The following DNAI7 variants were observed in gnomAD, a reference collection of about 807,000 sequenced individuals.
The protein encoded by DNAI7 is cancer susceptibility 1.
DNAI7 carries 78 observed loss-of-function variants against 86.6 expected under a neutral mutation model. The ratio of observed to expected loss-of-function variants is 0.90; its 90% CI spans 0.75 to 1.09. DNAI7 has a LOEUF of 1.09. DNAI7 is among the 50% of genes least tolerant of loss of function. The pLI, the probability that DNAI7 is intolerant of heterozygous loss-of-function variation, is 0.00. For synonymous variants in DNAI7, 274 were observed against 273.0 expected, an observed-to-expected ratio of 1.00 and a Z score of -0.04; for missense variants, 753 against 810.2, an observed-to-expected ratio of 0.93 and a Z score of 0.86.
rs1205025779 is a variant in DNAI7 at position 25,140,597 on chromosome 12, T to C, written c.1002+3768A>G. On this transcript the variant is annotated intron_variant, in intron 9 of 15. Coordinates refer to ENST00000395987, the MANE Select transcript of DNAI7 (RefSeq NM_018272.5). ...CAAATGGAAATACATCCCATGCTCA[T>C]GGATGGGTAGAATCATATTGTGAAA... Among the ~76,000 whole-genome samples, 3 of 152,140 alleles carry C rather than the reference T, an allele frequency of 2.0e-5. No homozygotes were observed. The East Asian group carries it at 5.8e-4, about 29-fold the overall frequency.
intron 9 of DNAI7, among the ~76,000 whole-genome samples, chr12:25,141,454 A>G (rs1370565788): frequency 6.6e-6 from 1 of 152,232 alleles, no homozygotes; most frequent in Non-Finnish European, 1.5e-5. Context: ...GCCAAGAAAC[A>G]TAAGAAAAAA....
chr12:25,112,078 A>G, intron 13 of DNAI7, 139 bp from the exon 14 acceptor site: 1 of 453,888 alleles, frequency 2.2e-6, no homozygotes, highest in South Asian at 4.5e-5. Flanking sequence ...CAGGGCAAGT[A>G]TATCTTAAGC....
intron 2 of DNAI7, among the ~76,000 whole-genome samples, chr12:25,175,090 T>C (rs1344626307): frequency 2.0e-5 from 3 of 151,872 alleles, no homozygotes; most frequent in African/African-American, 7.3e-5. Context: ...AAATACCACC[T>C]GTACCTCAAT....
chr12:25,186,180 T>C (rs1461789459), intron 2 of DNAI7, among the ~76,000 whole-genome samples: 1 of 152,074 alleles, frequency 6.6e-6, no homozygotes, highest in Non-Finnish European at 1.5e-5. Context: ...TAGTGATGGG[T>C]TTTTTAACAG....
chr12:25,117,563 T>C (rs1482964543), intron 12 of DNAI7, among the ~76,000 whole-genome samples: 2 of 152,110 alleles, frequency 1.3e-5, no homozygotes, highest in Non-Finnish European at 2.9e-5. Flanking sequence ...TGGCATACAT[T>C]AACTCACCAG....
At chr12:25,193,945 CT>C (rs1415568905) in intron 1 of DNAI7, among the ~76,000 whole-genome samples, 1 of 151,402 alleles carries the variant, frequency 6.6e-6, no homozygotes, top group Non-Finnish European at 1.5e-5. Context: ...CTTCAGCCCC[CT>C]GAGTAGCTGG....
At chr12:25,164,771 A>T (rs1947251197) in intron 2 of DNAI7, among the ~76,000 whole-genome samples, 1 of 151,434 alleles carries the variant, frequency 6.6e-6, no homozygotes, top group Non-Finnish European at 1.5e-5. Flanking sequence ...GAGTCTTCCT[A>T]ATCTTTCTTT....
At chr12:25,150,482 T>C (rs2140923237) in intron 6 of DNAI7, among the ~76,000 whole-genome samples, 1 of 151,166 alleles carries the variant, frequency 6.6e-6, no homozygotes, top group East Asian at 1.9e-4. Flanking sequence ...CGGGCGCCTG[T>C]AGGCCCAGCA....
intron 2 of DNAI7, among the ~76,000 whole-genome samples, chr12:25,185,333 C>T (rs1449481072): frequency 6.6e-6 from 1 of 152,052 alleles, no homozygotes; most frequent in Non-Finnish European, 1.5e-5. Context: ...GCAGAAATGG[C>T]AGTCCCAAAA....
At position 25,158,546 on chromosome 12, in the gene DNAI7, A is replaced by G. The variant is rs374597763; in HGVS notation, c.124T>C (p.Tyr42His). ...LKEEEEARLKYEKEEMERLEI... is the reference protein window; with the variant it reads ...LKEEEEARLKHEKEEMERLEI... ...AGCCTTTCCATTTCTTCTTTCTCATATTTCAAACGGGCTTCCTCTAAAGAA... is the reference window on the plus strand; with the variant it reads ...AGCCTTTCCATTTCTTCTTTCTCATGTTTCAAACGGGCTTCCTCTAAAGAA... The change falls in exon 4 of 16, where the codon TAT becomes CAT. Residue 42 changes from tyrosine to histidine, a missense_variant. Tyr to His is a moderately conservative substitution (Grantham distance 83). Transcript: ENST00000395987. The G allele has an allele frequency of 6.2e-6, 10 of 1,612,536 alleles. No homozygotes were observed. Among genetic ancestry groups the G allele is most frequent in the Non-Finnish European group, 8.5e-6 (10 of 1,179,558 alleles).
At chr12:25,117,354 T>G (rs1940325479) in intron 12 of DNAI7, among the ~76,000 whole-genome samples, 1 of 152,180 alleles carries the variant, frequency 6.6e-6, no homozygotes, top group African/African-American at 2.4e-5. Flanking sequence ...TACAAAATAT[T>G]TAAACTTCTT....
At chr12:25,165,537 C>T (rs1419567189) in intron 2 of DNAI7, among the ~76,000 whole-genome samples, 1 of 152,204 alleles carries the variant, frequency 6.6e-6, no homozygotes, top group Non-Finnish European at 1.5e-5. Flanking sequence ...ACTGACCTGG[C>T]AGCCACTTTC....
intron 2 of DNAI7, among the ~76,000 whole-genome samples, chr12:25,167,569 C>T (rs892641431): frequency 1.3e-5 from 2 of 152,140 alleles, no homozygotes; most frequent in African/African-American, 2.4e-5. Flanking sequence ...CCCTCCTTAG[C>T]GAACAACCGC....
chr12:25,185,816 C>T (rs923106733), intron 2 of DNAI7: 8 of 951,952 alleles, frequency 8.4e-6, no homozygotes, highest in African/African-American at 3.5e-5. Context: ...AAAGTACAGA[C>T]TATAGCAATA....
chr12:25,111,699 AATTAT>A, intron 14 of DNAI7, 68 bp downstream of exon 14: 1 of 858,958 alleles, frequency 1.2e-6, no homozygotes, highest in Non-Finnish European at 1.6e-6. Context: ...TATAATATTA[AATTAT>A]ATAACATTTA....
At chr12:25,150,112 A>G (rs1215999747) in intron 6 of DNAI7, among the ~76,000 whole-genome samples, 1 of 152,128 alleles carries the variant, frequency 6.6e-6, no homozygotes, top group Non-Finnish European at 1.5e-5. Context: ...GCAAATCACC[A>G]TTTTTCAATC....
At chr12:25,120,317 GGAGAGAGA>G (rs369253749) in intron 11 of DNAI7, among the ~76,000 whole-genome samples, 5 of 80,766 alleles carry the variant, frequency 6.2e-5, no homozygotes, top group Non-Finnish European at 1.4e-4. Flanking sequence ...GCAGGAAGAG[GGAGAGAGA>G]GAGAGAGAGA....
At chr12:25,144,162 G>C (rs964110720) in intron 9 of DNAI7, among the ~76,000 whole-genome samples, 2 of 152,102 alleles carry the variant, frequency 1.3e-5, no homozygotes, top group African/African-American at 4.8e-5. Context: ...TGAACTTTAG[G>C]ATGTTGAAGC....
chr12:25,111,173 C>T (rs1938743164), intron 14 of DNAI7, among the ~76,000 whole-genome samples: 1 of 152,152 alleles, frequency 6.6e-6, no homozygotes, highest in Non-Finnish European at 1.5e-5. Flanking sequence ...TACTTTGTGT[C>T]TTCATATATC....
Sources: gnomAD v4.1 joint callset for allele counts (sites outside exome capture counted in the v4.1 genomes callset) on GRCh38, gnomAD v4.1.1 for gene constraint, MANE v1.5 for transcripts, NCBI Gene and HGNC (gene_info 2026-07-23, HGNC 2026-07-21) for gene names.